Variants in OTUD7A observed in about 807,000 individuals in gnomAD.
OTUD7A encodes the protein OTU domain-containing protein 7A.
In OTUD7A, 12 loss-of-function variants were observed where a neutral mutation model predicts 65.7. The observed-to-expected ratio is 0.18, with a 90% confidence interval of 0.12 to 0.30. The LOEUF is 0.30. Among genes scored for constraint, OTUD7A ranks in the 10% least tolerant of loss-of-function variants. The pLI is 1.00. For missense variants in OTUD7A, 1,148 were observed against 1,304.8 expected (o/e 0.88, Z 1.85); for synonymous variants, 641 against 586.3 (o/e 1.09, Z -1.35).
chr15:31,549,988 T>C (rs1367992460), intron 5 of OTUD7A, among the ~76,000 whole-genome samples: 3 of 151,716 alleles, frequency 2.0e-5, no homozygotes, highest in Non-Finnish European at 2.9e-5. Flanking sequence ...TAGTTCTGGC[T>C]ACTTGGGAGG....
At chr15:31,570,982 T>C (rs1447687351) in intron 3 of OTUD7A, among the ~76,000 whole-genome samples, 7 of 152,230 alleles carry the variant, frequency 4.6e-5, no homozygotes, top group African/African-American at 1.4e-4. Context: ...TGGGCAACTA[T>C]AGTTAACAAT....
chr15:31,696,810 C>T lies in OTUD7A; in HGVS notation c.-99-39733G>A, dbSNP rs1893095090. Among the ~76,000 whole-genome samples the T allele has an allele frequency of 2.6e-5, 4 of 151,374 alleles. No homozygotes were observed. The South Asian group carries it at 8.4e-4, about 32-fold the overall frequency. ...CTGGGGCTAGGTGTCTGCAGCCTTT[C>T]AGGGCAAATGCAGCCAGGAGAGGAA... is the stretch of plus-strand genomic sequence containing the variant. On this transcript the variant is annotated intron_variant, in intron 1 of 12. Coordinates refer to ENST00000307050, the MANE Select transcript of OTUD7A (RefSeq NM_001382637.1).
At chr15:31,593,730 T>C (rs1889822349) in intron 3 of OTUD7A, among the ~76,000 whole-genome samples, 1 of 152,130 alleles carries the variant, frequency 6.6e-6, no homozygotes, top group Non-Finnish European at 1.5e-5. Context: ...ATATATAATT[T>C]CATTTCAAAG....
chr15:31,567,763 A>C (rs1439815189), intron 4 of OTUD7A, among the ~76,000 whole-genome samples: 39 of 152,224 alleles, frequency 2.6e-4, no homozygotes, highest in Non-Finnish European at 2.9e-5. Flanking sequence ...TAGCCTTGGG[A>C]CACTGCTCCC....
chr15:31,525,746 T>C (rs2042003115), intron 8 of OTUD7A, among the ~76,000 whole-genome samples: 1 of 152,246 alleles, frequency 6.6e-6, no homozygotes, highest in Non-Finnish European at 1.5e-5. Context: ...CTGGCCACGG[T>C]CTTCATTCCA....
intron 3 of OTUD7A, among the ~76,000 whole-genome samples, chr15:31,612,163 C>G (rs1890444927): frequency 6.6e-6 from 1 of 152,100 alleles, no homozygotes; most frequent in Non-Finnish European, 1.5e-5. Context: ...TAATAAAAGC[C>G]ATCTATGACA....
intron 1 of OTUD7A, among the ~76,000 whole-genome samples, chr15:31,681,959 C>T (rs1420916439): frequency 6.6e-6 from 1 of 152,052 alleles, no homozygotes; most frequent in Non-Finnish European, 1.5e-5. Context: ...CTATGAGAGA[C>T]AAGATGGTGT....
At position 31,570,194 on chromosome 15, in the gene OTUD7A, T is replaced by C; in HGVS notation, c.155A>G (p.Lys52Arg). Residue 52 changes from lysine (K) to arginine (R), a missense_variant, in exon 4 of 13, where the codon AAA becomes AGA. Lys to Arg is a conservative substitution (Grantham distance 26). Transcript: ENST00000307050. ...CAGAGCGGCTGTCAGGTCCCAGTTT[T>C]TGCCTGTGGACAAGAAATGACAAGA... Reference protein sequence around the residue: ...PGLARDLLEGKNWDLTAALSD... With the variant: ...PGLARDLLEGRNWDLTAALSD... The C allele has an allele frequency of 4.3e-6, 7 of 1,613,962 alleles. No individual in the cohort carries two copies. Among genetic ancestry groups the C allele is most frequent in the Non-Finnish European group, 5.9e-6 (7 of 1,179,856 alleles).
At chr15:31,568,406 G>A (rs1346142897) in intron 4 of OTUD7A, among the ~76,000 whole-genome samples, 1 of 152,220 alleles carries the variant, frequency 6.6e-6, no homozygotes, top group Non-Finnish European at 1.5e-5. Context: ...GAATGGGAAT[G>A]TTTACCCGAT....
At chr15:31,767,879 G>A in intron 1 of OTUD7A, 6 of 1,329,398 alleles carry the variant, frequency 4.5e-6, no homozygotes, top group Non-Finnish European at 6.5e-6. Flanking sequence ...AGTTTTAAGT[G>A]GCAACGTTGC....
chr15:31,545,682 T>A (rs1427977510), intron 5 of OTUD7A, among the ~76,000 whole-genome samples: 2 of 151,966 alleles, frequency 1.3e-5, no homozygotes, highest in African/African-American at 2.4e-5. Flanking sequence ...AAATAAAAAT[T>A]AAAACCACTG....
chr15:31,736,101 A>G (rs1490483914), intron 1 of OTUD7A, among the ~76,000 whole-genome samples: 1 of 152,212 alleles, frequency 6.6e-6, no homozygotes, highest in Non-Finnish European at 1.5e-5. Flanking sequence ...AGGAAAAATA[A>G]CTAATGGGTA....
rs200670322 is a variant in OTUD7A at position 31,628,338 on chromosome 15, A to G, written c.151+26758T>C. ...CCAGCCAGTTTTCCCAGCACCATTT[A>G]TTAAATAGGGAATCCTTTCCCCATT... On this transcript the variant is annotated intron_variant, in intron 3 of 12. Coordinates refer to ENST00000307050, the MANE Select transcript of OTUD7A (RefSeq NM_001382637.1). Among the ~76,000 whole-genome samples the G allele has an allele frequency of 2.3e-4, 35 of 152,304 alleles. No homozygotes were observed. In the East Asian group the frequency reaches 2.9e-3, roughly 13 times the overall value.
At position 31,484,599 on chromosome 15, in the gene OTUD7A, G is replaced by A. The variant is rs377421686; in HGVS notation, c.1497C>T (p.Asn499=). The A allele has an allele frequency of 2.6e-5, 42 of 1,606,016 alleles. No homozygotes were observed. Among genetic ancestry groups the A allele is most frequent in the African/African-American group, 6.7e-5 (5 of 74,802 alleles). ...CSNSNSNNGK[N]GKDKEKEKQR... ...GCTTCTCCTTCTCCTTGTCCTTGCC[G>A]TTCTTGCCGTTATTGCTGTTAGAAT... Residue 499 remains asparagine, a synonymous_variant, in exon 13 of 13, where the codon AAC becomes AAT. Coordinates refer to ENST00000307050, the MANE Select transcript of OTUD7A (RefSeq NM_001382637.1). This position sits in a 1 kb window ranked among gnomAD's most constrained non-coding sequence, Gnocchi z 4.5.
rs2041010918 is a variant in OTUD7A at position 31,475,996 on chromosome 15, C to T, written c.*7298G>A. On this transcript the variant is annotated 3_prime_UTR_variant, in exon 13 of 13. Coordinates refer to ENST00000307050, the MANE Select transcript of OTUD7A (RefSeq NM_001382637.1). ...GATGGTCCCTTGTTATAATTAACTT[C>T]AACAATCCTTAGTTAAAACAAGGCC... 1 of 152,210 alleles carries T rather than the reference C, an allele frequency of 6.6e-6. No homozygotes were observed. 9.4% of individuals were successfully genotyped at this position (152,210 alleles called of 1,614,324 possible).
chr15:31,789,467 A>C (rs551723178), intron 1 of OTUD7A, among the ~76,000 whole-genome samples: 1 of 152,326 alleles, frequency 6.6e-6, no homozygotes, highest in South Asian at 2.1e-4. Flanking sequence ...TCTGACATGA[A>C]AAGGGCAACA....
intron 1 of OTUD7A, among the ~76,000 whole-genome samples, chr15:31,731,018 T>G (rs999601471): frequency 2.6e-5 from 4 of 152,214 alleles, no homozygotes; most frequent in Non-Finnish European, 5.9e-5. Flanking sequence ...CAAGGTCCTC[T>G]CTTCTCCCTA....
chr15:31,770,178 A>AT (rs1895196236), intron 1 of OTUD7A, among the ~76,000 whole-genome samples: 2 of 152,152 alleles, frequency 1.3e-5, no homozygotes, highest in African/African-American at 4.8e-5. Flanking sequence ...CCTTAGTCAG[A>AT]TTACCAATAA....
intron 1 of OTUD7A, among the ~76,000 whole-genome samples, chr15:31,794,128 T>C (rs1895888717): frequency 6.6e-6 from 1 of 152,212 alleles, no homozygotes; most frequent in South Asian, 2.1e-4. Flanking sequence ...TCTAGGTTCA[T>C]TTTTCTCTAT....
Sources: gnomAD v4.1 joint callset for allele counts (sites outside exome capture counted in the v4.1 genomes callset) on GRCh38, gnomAD v4.1.1 for gene constraint, Gnocchi (gnomAD v3.1) non-coding constraint, MANE v1.5 for transcripts, NCBI Gene and HGNC (gene_info 2026-07-23, HGNC 2026-07-21) for gene names.